Variants in CATSPERG observed in about 807,000 individuals in gnomAD.
CATSPERG encodes catsper channel auxiliary subunit gamma, also known as cation channel sperm-associated auxiliary subunit gamma.
CATSPERG carries 115 observed loss-of-function variants against 145.0 expected under a neutral mutation model. The ratio of observed to expected loss-of-function variants is 0.79; its 90% CI spans 0.68 to 0.93. The LOEUF is 0.93. Ranked by LOEUF, CATSPERG falls within the 40% of genes least tolerant of loss-of-function variation. The pLI is 0.00. For synonymous variants in CATSPERG, 588 were observed against 589.0 expected, an observed-to-expected ratio of 1.00 and a Z score of 0.02; for missense variants, 1,296 against 1,490.1, an observed-to-expected ratio of 0.87 and a Z score of 2.14.
In CATSPERG at chr19:38,356,756, A is replaced by C. The variant is rs1347223465; in HGVS notation, c.1210A>C (p.Ile404Leu). Reference protein sequence around the residue: ...CEQIGVTTCSIIWSEYIAGEY... With the variant: ...CEQIGVTTCSLIWSEYIAGEY... The stretch of plus-strand genomic sequence containing the variant: ...TTCCCTCTCAGTTACCACCTGCTCC[A>C]TAATTTGGTCTGAATACATCGCGGG... Residue 404 changes from isoleucine (I) to leucine (L), a missense_variant, in exon 11 of 29, where the codon ATA becomes CTA. Ile to Leu is a conservative substitution (Grantham distance 5). Coordinates refer to ENST00000409235, the MANE Select transcript of CATSPERG (RefSeq NM_021185.5). The C allele has an allele frequency of 5.6e-6, 9 of 1,614,050 alleles. 1 individual carries two copies. Among genetic ancestry groups the C allele is most frequent in the Non-Finnish European group, 7.6e-6 (9 of 1,180,026 alleles).
chr19:38,360,598 C>T lies in CATSPERG; in HGVS notation c.1718C>T (p.Ser573Phe). 6.2e-7 allele frequency: 1 copy of T among 1,614,246 alleles called. No homozygotes were observed. Among genetic ancestry groups the T allele is most frequent in the Non-Finnish European group, 8.5e-7 (1 of 1,180,036 alleles). ...ATGCAACAGTCCTCTCTCTACGCAT[C>T]CAATGAGACCATGCTGACCCTCTTC... Reference protein sequence around the residue: ...KLMQQSSLYASNETMLTLFYE... With the variant: ...KLMQQSSLYAFNETMLTLFYE... Residue 573 changes from serine to phenylalanine, a missense_variant, in exon 15 of 29, where the codon TCC becomes TTC. By Grantham distance (155) the Ser-to-Phe change is radical (BLOSUM62 -2). Transcript: ENST00000409235.
At chr19:38,337,693 TCCCA>T (rs1035213086) in intron 3 of CATSPERG, 47 bp downstream of exon 3, 1 of 1,438,190 alleles carries the variant, frequency 7.0e-7, no homozygotes, top group African/African-American at 1.4e-5. Context: ...GCCTTGGTTT[TCCCA>T]CCTCTAACAT....
At position 38,362,038 on chromosome 19, in the gene CATSPERG, G is replaced by A. The variant is rs534433544; in HGVS notation, c.2095-172G>A. 36 of 938,818 alleles carry A rather than the reference G, an allele frequency of 3.8e-5. No homozygotes were observed. The East Asian group carries it at 9.2e-4, about 24-fold the overall frequency. 58.2% of individuals were successfully genotyped at this position (938,818 alleles called of 1,614,324 possible). A position where few individuals can be genotyped will look rare whatever the true frequency, so the allele number is the denominator to read the frequency against. ...TTGAGCAGGACTTCCAGGGGAAGGC[G>A]TTGGGGGTGTGGCCGGGTTGAAAGC... On this transcript the variant is annotated intron_variant, in intron 17 of 28. Coordinates refer to ENST00000409235, the MANE Select transcript of CATSPERG (RefSeq NM_021185.5).
intron 7 of CATSPERG, among the ~76,000 whole-genome samples, chr19:38,349,881 T>A (rs1305982074): frequency 1.3e-5 from 2 of 152,138 alleles, no homozygotes; most frequent in African/African-American, 4.8e-5. Context: ...GCCAGGCTGG[T>A]CCCGAACTCC....
intron 26 of CATSPERG, among the ~76,000 whole-genome samples, chr19:38,368,644 AG>A (rs1400148088): frequency 6.6e-6 from 1 of 152,202 alleles, no homozygotes; most frequent in Non-Finnish European, 1.5e-5. Flanking sequence ...TCCAGGTTCA[AG>A]CGATTCTCCT....
At chr19:38,357,549 G>A (rs1292054788) in intron 11 of CATSPERG, among the ~76,000 whole-genome samples, 1 of 151,846 alleles carries the variant, frequency 6.6e-6, no homozygotes, top group Non-Finnish European at 1.5e-5. Flanking sequence ...AGGCGTGGTG[G>A]CTCGTGCTTA....
chr19:38,348,294 T>A (rs60088168), intron 7 of CATSPERG, among the ~76,000 whole-genome samples: 1 of 150,566 alleles, frequency 6.6e-6, no homozygotes, highest in Admixed American at 6.6e-5. Flanking sequence ...AAATAGCTGG[T>A]ATTACAGGCA....
In CATSPERG at chr19:38,367,498, C is replaced by T; in HGVS notation, c.2771-11C>T. ...TTCTTCTTCTGGTCTCAATCCCCTC[C>T]AACCCCATAGTTTTCTACCCCTTCT... is the stretch of plus-strand genomic sequence containing the variant. On this transcript the variant is annotated splice_polypyrimidine_tract_variant and intron_variant, in intron 23 of 28. Coordinates refer to ENST00000409235, the MANE Select transcript of CATSPERG (RefSeq NM_021185.5). 2 of 1,613,752 alleles carry T rather than the reference C, an allele frequency of 1.2e-6. No homozygotes were observed. The highest frequency in any genetic ancestry group is 2.2e-5 in the East Asian group (1 of 44,888).
At chr19:38,349,505 T>A (rs1046834409) in intron 7 of CATSPERG, 2 of 152,412 alleles carry the variant, frequency 1.3e-5, no homozygotes, top group African/African-American at 4.8e-5. Flanking sequence ...TCCCTGCTCC[T>A]GTCTCTCTCC....
chr19:38,354,916 C>T (rs533387057), intron 9 of CATSPERG, 69 bp downstream of exon 9: 28 of 1,544,796 alleles, frequency 1.8e-5, no homozygotes, highest in Non-Finnish European at 2.3e-5. Flanking sequence ...AGAATTCTAA[C>T]CTTGGGCCCT....
At chr19:38,342,216 A>AAAATAAATAAATAAATAAATAAAT (rs202060544) in intron 3 of CATSPERG, among the ~76,000 whole-genome samples, 65 of 148,630 alleles carry the variant, frequency 4.4e-4, no homozygotes, top group African/African-American at 1.1e-3. Context: ...TCCCATGTAA[A>AAAATAAATAAATAAATAAATAAAT]AAATAAATAA....
rs746014304 is a variant in CATSPERG at position 38,354,747 on chromosome 19, G to A, written c.1035G>A (p.Lys345=). Residue 345 remains lysine, a synonymous_variant, in exon 9 of 29, where the codon AAG becomes AAA. Transcript: ENST00000409235. ...WIRVLASECI[K]KLCPVYFHSN... ...GTGTCCTGGCCAGCGAGTGCATCAA[G>A]AAGCTGTGCCCTGTGTATTTCCATA... is the stretch of plus-strand genomic sequence containing the variant. The A allele has an allele frequency of 3.7e-6, 6 of 1,614,102 alleles. No individual in the cohort carries two copies. The African/African-American group carries it at 6.7e-5, about 18-fold the overall frequency.
rs573613394 is a variant in CATSPERG at position 38,360,958 on chromosome 19, A to G, written c.1880+115A>G. Reference sequence around the variant, plus strand: ...TAACCCCAGTGAAAACCTCAGGGCTATGATGGCAGGAGTTCAGCACTTATG... The same window carrying G: ...TAACCCCAGTGAAAACCTCAGGGCTGTGATGGCAGGAGTTCAGCACTTATG... On this transcript the variant is annotated intron_variant, in intron 16 of 28. Transcript: ENST00000409235. The G allele has an allele frequency of 9.4e-6, 8 of 852,472 alleles. No individual in the cohort carries two copies. The East Asian group carries it at 1.9e-4, about 20-fold the overall frequency. The allele number at this position is 852,472 out of a possible 1,614,324, so 52.8% of individuals were successfully genotyped here.
intron 22 of CATSPERG, chr19:38,365,991 G>A (rs564050997): frequency 5.2e-5 from 8 of 152,430 alleles, no homozygotes; most frequent in African/African-American, 1.9e-4. Context: ...TTACAGGTGT[G>A]AGCCACCGTG....
At chr19:38,354,980 G>A in intron 9 of CATSPERG, 133 bp downstream of exon 9, 2 of 1,039,168 alleles carry the variant, frequency 1.9e-6, no homozygotes, top group Non-Finnish European at 2.8e-6. Flanking sequence ...TGATGGTGGT[G>A]GTGGAGGGAT....
chr19:38,354,794 T>C lies in CATSPERG; in HGVS notation c.1082T>C (p.Met361Thr). 6.2e-7 allele frequency: 1 copy of C among 1,614,144 alleles called. No homozygotes were observed. Residue 361 changes from methionine (M) to threonine (T), a missense_variant, in exon 9 of 29, where the codon ATG (methionine) becomes ACG (threonine). By Grantham distance (81) the Met-to-Thr change is moderately conservative (BLOSUM62 -1). Coordinates refer to ENST00000409235, the MANE Select transcript of CATSPERG (RefSeq NM_021185.5). ...YFHSNGSEYI[M>T]ALTTGKHEGY... Reference sequence around the variant, plus strand: ...CATAGCAATGGCTCTGAGTACATAATGGCCCTCACCACGGGCAAGCATGAG... The same window carrying C: ...CATAGCAATGGCTCTGAGTACATAACGGCCCTCACCACGGGCAAGCATGAG...
chr19:38,362,141 G>C (rs1036758388), intron 17 of CATSPERG, 69 bp from the exon 18 acceptor site: 2 of 1,510,736 alleles, frequency 1.3e-6, no homozygotes, highest in African/African-American at 2.8e-5. Context: ...GGTGGTCTGG[G>C]GATGCCGCTT....
At chr19:38,363,476 C>T (rs1282154950) in intron 20 of CATSPERG, among the ~76,000 whole-genome samples, 1 of 150,390 alleles carries the variant, frequency 6.6e-6, no homozygotes, top group Non-Finnish European at 1.5e-5. Context: ...TGCTTGGCCC[C>T]GTTAGCCTAT....
At chr19:38,357,601 G>A (rs1323180633) in intron 11 of CATSPERG, among the ~76,000 whole-genome samples, 3 of 151,786 alleles carry the variant, frequency 2.0e-5, no homozygotes, top group African/African-American at 7.3e-5. Flanking sequence ...TGGAATGCTT[G>A]AGCTCAGGCG....
Sources: gnomAD v4.1 joint callset for allele counts (sites outside exome capture counted in the v4.1 genomes callset) on GRCh38, gnomAD v4.1.1 for gene constraint, MANE v1.5 for transcripts, NCBI Gene and HGNC (gene_info 2026-07-23, HGNC 2026-07-21) for gene names.